The following ASIC2 variants were observed in gnomAD, a reference collection of about 807,000 sequenced individuals.
The protein encoded by ASIC2 is acid-sensing ion channel 2.
In ASIC2, 25 loss-of-function variants were observed where a neutral mutation model predicts 57.3. The observed-to-expected ratio is 0.44, with a 90% CI of 0.32 to 0.61. The LOEUF is 0.61. ASIC2 is among the 20% of genes least tolerant of loss of function. The pLI is 0.06. For missense variants in ASIC2, 641 were observed against 738.1 expected (o/e 0.87, Z 1.52); for synonymous variants, 319 against 307.5 (o/e 1.04, Z -0.39).
intron 2 of ASIC2, among the ~76,000 whole-genome samples, chr17:33,097,664 C>T (rs1014125257): frequency 6.6e-6 from 1 of 152,220 alleles, no homozygotes; most frequent in African/African-American, 2.4e-5. Context: ...AGATGACAAG[C>T]TGATAAAGTT....
intron 7 of ASIC2, among the ~76,000 whole-genome samples, chr17:33,019,694 C>T (rs541753338): frequency 3.9e-5 from 6 of 152,122 alleles, no homozygotes; most frequent in South Asian, 2.1e-4. Context: ...GCTCCTCAGC[C>T]GGCTATTCTG....
intron 3 of ASIC2, among the ~76,000 whole-genome samples, chr17:33,061,653 G>C (rs1013325273): frequency 3.3e-5 from 5 of 152,146 alleles, no homozygotes; most frequent in Non-Finnish European, 5.9e-5. Context: ...CCAGGCTTTG[G>C]TATCAGGATG....
chr17:33,728,013 C>T (rs367723595), intron 1 of ASIC2, among the ~76,000 whole-genome samples: 30 of 152,294 alleles, frequency 2.0e-4, no homozygotes, highest in East Asian at 1.9e-3. Context: ...ATGGTGGGTA[C>T]AACTAAATGC....
At chr17:34,021,231 A>G (rs1907145994) in intron 1 of ASIC2, among the ~76,000 whole-genome samples, 1 of 151,806 alleles carries the variant, frequency 6.6e-6, no homozygotes, top group Non-Finnish European at 1.5e-5. Context: ...CTCTCTAGAA[A>G]CCTATTGAAA....
chr17:33,672,731 A>C (rs552364494), intron 1 of ASIC2, among the ~76,000 whole-genome samples: 35 of 152,292 alleles, frequency 2.3e-4, no homozygotes, highest in African/African-American at 7.5e-4. Context: ...ACCTGTATTC[A>C]AGTTCTCCTT....
chr17:34,123,093 G>A (rs958680301), intron 1 of ASIC2, among the ~76,000 whole-genome samples: 8 of 152,196 alleles, frequency 5.3e-5, no homozygotes, highest in Middle Eastern at 6.8e-3. Context: ...CCAAGTTGTC[G>A]GAAGACAAGT....
At chr17:33,900,250 CAG>C (rs556168381) in intron 1 of ASIC2, among the ~76,000 whole-genome samples, 169 of 152,320 alleles carry the variant, frequency 1.1e-3, no homozygotes, top group African/African-American at 3.9e-3. Flanking sequence ...GAGAGAAGGG[CAG>C]AGTTCACCAT....
chr17:33,739,603 G>A (rs1910031427), intron 1 of ASIC2, among the ~76,000 whole-genome samples: 1 of 152,208 alleles, frequency 6.6e-6, no homozygotes, highest in Non-Finnish European at 1.5e-5. Context: ...ACAGGTGTCT[G>A]AATAAAAGCT....
intron 1 of ASIC2, among the ~76,000 whole-genome samples, chr17:33,218,481 A>C (rs1409941946): frequency 6.6e-6 from 1 of 152,198 alleles, no homozygotes; most frequent in Non-Finnish European, 1.5e-5. Flanking sequence ...CACCTTCCCT[A>C]AGAAGTGAGT....
chr17:33,671,066 C>G (rs184863569), intron 1 of ASIC2, among the ~76,000 whole-genome samples: 1 of 152,298 alleles, frequency 6.6e-6, no homozygotes, highest in African/African-American at 2.4e-5. Flanking sequence ...ACCCGTCTGG[C>G]TTTACCTCTT....
In ASIC2 at chr17:33,927,784, C is replaced by T. The variant is rs140103569; in HGVS notation, c.555+228194G>A. 6.6e-5 allele frequency among the ~76,000 whole-genome samples: 10 copies of T among 152,244 alleles called. No homozygotes were observed. The South Asian group carries it at 1.2e-3, about 19-fold the overall frequency. On this transcript the variant is annotated intron_variant, in intron 1 of 9. Transcript: ENST00000359872. The stretch of plus-strand genomic sequence containing the variant: ...CAAACCCAGAAAGTCAAATCAGTTT[C>T]GCTGCTTTTATTCCACAGTTCCTGC...
intron 1 of ASIC2, among the ~76,000 whole-genome samples, chr17:33,422,859 C>T (rs72821171): frequency 0.05 from 7,568 of 152,182 alleles, 226 homozygotes; most frequent in East Asian, 0.12. Context: ...TTGGTATACC[C>T]GGGTGATGAT....
chr17:33,903,115 T>G (rs562209355), intron 1 of ASIC2, among the ~76,000 whole-genome samples: 1 of 152,318 alleles, frequency 6.6e-6, no homozygotes, highest in African/African-American at 2.4e-5. Flanking sequence ...CCATAAACAC[T>G]GCAGTGACAA....
intron 1 of ASIC2, among the ~76,000 whole-genome samples, chr17:33,267,645 T>G (rs1057430403): frequency 8.5e-5 from 13 of 152,172 alleles, no homozygotes; most frequent in African/African-American, 3.1e-4. Context: ...AATTCTGGCA[T>G]TGTGCTGATG....
At chr17:34,102,677 G>A (rs1225275574) in intron 1 of ASIC2, among the ~76,000 whole-genome samples, 1 of 152,174 alleles carries the variant, frequency 6.6e-6, no homozygotes, top group South Asian at 2.1e-4. Context: ...CTGCTAAGTA[G>A]TATCACACTG....
intron 1 of ASIC2, among the ~76,000 whole-genome samples, chr17:33,704,256 A>G (rs1157401301): frequency 1.3e-5 from 2 of 152,226 alleles, no homozygotes; most frequent in Non-Finnish European, 2.9e-5. Context: ...ATCATGTAAA[A>G]AACACAACCC....
intron 1 of ASIC2, among the ~76,000 whole-genome samples, chr17:33,988,352 A>G (rs1027378471): frequency 5.3e-5 from 8 of 152,136 alleles, no homozygotes; most frequent in South Asian, 4.1e-4. Context: ...ATGATAGTGA[A>G]TAAGTCTTAC....
At chr17:33,051,145 A>G (rs1345091431) in intron 3 of ASIC2, among the ~76,000 whole-genome samples, 2 of 152,066 alleles carry the variant, frequency 1.3e-5, no homozygotes, top group Non-Finnish European at 2.9e-5. Flanking sequence ...AGATTTCTGT[A>G]TGTCTCAGGA....
At chr17:33,597,191 A>G (rs1344355950) in intron 1 of ASIC2, among the ~76,000 whole-genome samples, 1 of 152,214 alleles carries the variant, frequency 6.6e-6, no homozygotes, top group East Asian at 1.9e-4. Flanking sequence ...ACCACTGCAG[A>G]CATGTTTCTT....
Sources: gnomAD v4.1 joint callset for allele counts (sites outside exome capture counted in the v4.1 genomes callset) on GRCh38, gnomAD v4.1.1 for gene constraint, MANE v1.5 for transcripts, NCBI Gene and HGNC (gene_info 2026-07-23, HGNC 2026-07-21) for gene names.